XKR5: variants seen among roughly 807,000 people sequenced by gnomAD.
XKR5 encodes XK related 5.
In XKR5, 46 loss-of-function variants were observed where a neutral mutation model predicts 40.8. The observed-to-expected ratio is 1.13, with a 90% CI of 0.89 to 1.44. XKR5 has a LOEUF of 1.44. Ranked by LOEUF, XKR5 falls within the 40% of genes most tolerant of loss-of-function variation. XKR5 has a pLI of 0.00. For missense variants in XKR5, 1,169 were observed against 844.7 expected, an observed-to-expected ratio of 1.38 and a Z score of -4.76; for synonymous variants, 466 against 356.1, an observed-to-expected ratio of 1.31 and a Z score of -3.48.
intron 2 of XKR5, among the ~76,000 whole-genome samples, chr8:6,829,737 G>C (rs1195128016): frequency 1.3e-5 from 2 of 148,388 alleles, no homozygotes; most frequent in African/African-American, 2.5e-5. Flanking sequence ...GGCTGGTTTA[G>C]AACTCCTGGC....
chr8:6,824,068 A>G (rs1214547920), intron 3 of XKR5, among the ~76,000 whole-genome samples: 1 of 152,174 alleles, frequency 6.6e-6, no homozygotes, highest in Admixed American at 6.5e-5. Flanking sequence ...AGTCCTCTGT[A>G]TATAACAAAG....
intron 1 of XKR5, 58 bp downstream of exon 1, chr8:6,835,378 C>A: frequency 7.4e-7 from 1 of 1,357,774 alleles, no homozygotes; most frequent in Non-Finnish European, 9.5e-7. Flanking sequence ...CGGCTCCCGG[C>A]GCCGGGGTGG....
chr8:6,819,076 C>A (rs551162435), intron 5 of XKR5, among the ~76,000 whole-genome samples: 9 of 152,296 alleles, frequency 5.9e-5, no homozygotes, highest in African/African-American at 1.9e-4. Context: ...ACCTTATGTT[C>A]CTTCTTGAAG....
rs367715859 is a variant in XKR5 at position 6,820,742 on chromosome 8, C to A, written c.807+1127G>T. Among the ~76,000 whole-genome samples the A allele has an allele frequency of 3.7e-3, 565 of 152,296 alleles. 4 individuals carry two copies. The highest frequency in any genetic ancestry group is 0.013 in the African/African-American group (547 of 41,562). Reference sequence around the variant, plus strand: ...TGGTGAGGCTCAGTAATGTGTCCAACATTGCAAGTCCTGTGAGCTCTGCCT... The same window carrying A: ...TGGTGAGGCTCAGTAATGTGTCCAAAATTGCAAGTCCTGTGAGCTCTGCCT... On this transcript the variant is annotated intron_variant, in intron 5 of 6. Coordinates refer to ENST00000618742, the MANE Select transcript of XKR5 (RefSeq NM_207411.5).
At chr8:6,823,979 A>T (rs1804354269) in intron 3 of XKR5, among the ~76,000 whole-genome samples, 1 of 152,242 alleles carries the variant, frequency 6.6e-6, no homozygotes, top group Non-Finnish European at 1.5e-5. Context: ...TCAATGTACT[A>T]AATGCTCTTC....
At chr8:6,825,010 G>A (rs1387252853) in intron 3 of XKR5, among the ~76,000 whole-genome samples, 155 bp downstream of exon 3, 1 of 152,202 alleles carries the variant, frequency 6.6e-6, no homozygotes, top group African/African-American at 2.4e-5. Context: ...ACCAGCAAAA[G>A]CCAGTTTTAA....
In XKR5 at chr8:6,808,526, TAA is replaced by T. The variant is rs1242685270; in HGVS notation, c.*2670_*2671del. 3 of 152,168 alleles carry T rather than the reference TAA, an allele frequency of 2.0e-5. No homozygotes were observed. The highest frequency in any genetic ancestry group is 7.2e-5 in the African/African-American group (3 of 41,422). The allele number at this position is 152,168 out of a possible 1,614,324, so 9.4% of individuals were successfully genotyped here. A position where few individuals can be genotyped will look rare whatever the true frequency, so the allele number is the denominator to read the frequency against. On this transcript the variant is annotated 3_prime_UTR_variant, in exon 7 of 7. Transcript: ENST00000618742. ...AGGTGCTCAGCAGGCATTTTTGAAT[TAA>T]GTGTCCATTTATTAGTCTTCTCTAA...
intron 1 of XKR5, among the ~76,000 whole-genome samples, chr8:6,833,967 G>C (rs536384087): frequency 6.6e-6 from 1 of 152,158 alleles, no homozygotes; most frequent in Non-Finnish European, 1.5e-5. Flanking sequence ...TGGTGGTTAC[G>C]CAGTGGAGAG....
intron 5 of XKR5, among the ~76,000 whole-genome samples, chr8:6,817,671 A>C (rs188476489): frequency 7.6e-4 from 115 of 152,308 alleles, no homozygotes; most frequent in African/African-American, 2.5e-3. Flanking sequence ...GGTGGATAGG[A>C]CCCTGGACTT....
chr8:6,828,630 T>C (rs1804626286), intron 2 of XKR5, among the ~76,000 whole-genome samples: 1 of 152,208 alleles, frequency 6.6e-6, no homozygotes, highest in African/African-American at 2.4e-5. Flanking sequence ...GTCCGACATC[T>C]GTCCTCACAG....
intron 6 of XKR5, among the ~76,000 whole-genome samples, chr8:6,814,116 G>A (rs564079301): frequency 6.6e-6 from 1 of 152,338 alleles, no homozygotes; most frequent in Non-Finnish European, 1.5e-5. Context: ...ATGCAATGTG[G>A]TGAGAGTGGT....
chr8:6,830,630 T>C (rs1449911203), intron 2 of XKR5, among the ~76,000 whole-genome samples: 1 of 152,218 alleles, frequency 6.6e-6, no homozygotes, highest in Non-Finnish European at 1.5e-5. Flanking sequence ...TCTTTTCTTT[T>C]CTTTTTTGTT....
chr8:6,816,117 C>T (rs1337635933), intron 5 of XKR5, among the ~76,000 whole-genome samples, 199 bp from the exon 6 acceptor site: 1 of 152,062 alleles, frequency 6.6e-6, no homozygotes, highest in Non-Finnish European at 1.5e-5. Context: ...ACCCTGTTCT[C>T]AGGGTGGCTC....
At chr8:6,814,002 G>A (rs943529730) in intron 6 of XKR5, among the ~76,000 whole-genome samples, 4 of 152,188 alleles carry the variant, frequency 2.6e-5, no homozygotes, top group Admixed American at 2.6e-4. Context: ...ATCCAGATGA[G>A]TTGTTAGACC....
chr8:6,830,490 C>A (rs1804713206), intron 2 of XKR5, among the ~76,000 whole-genome samples: 1 of 152,190 alleles, frequency 6.6e-6, no homozygotes, highest in Admixed American at 6.5e-5. Flanking sequence ...CACTGCAAAT[C>A]TTGCGGCCTT....
In XKR5 at chr8:6,832,862, G is replaced by C; in HGVS notation, c.97C>G (p.Leu33Val). The C allele has an allele frequency of 6.2e-7, 1 of 1,610,120 alleles. No homozygotes were observed. Among genetic ancestry groups the C allele is most frequent in the African/African-American group, 1.3e-5 (1 of 74,836 alleles). The change falls in exon 2 of 7, where the codon CTT becomes GTT. Residue 33 changes from leucine (L) to valine (V), a missense_variant. Coordinates refer to ENST00000618742, the MANE Select transcript of XKR5 (RefSeq NM_207411.5). Reference protein sequence around the residue: ...TVAYYFTTGRLLWGWLALAVL... With the variant: ...TVAYYFTTGRVLWGWLALAVL... ...GCAAGGGCCAGCCACCCCCACAGAA[G>C]CCGTCCTGTGGTGAAGTAGTAAGCC...
intron 4 of XKR5, among the ~76,000 whole-genome samples, chr8:6,823,051 C>T (rs769398968): frequency 6.6e-6 from 1 of 152,200 alleles, no homozygotes; most frequent in Non-Finnish European, 1.5e-5. Context: ...AAGTTCTCTG[C>T]TCCAGATTTA....
rs574337806 is a variant in XKR5 at position 6,829,783 on chromosome 8, C to T, written c.242+2934G>A. Among the ~76,000 whole-genome samples, 393 of 148,506 alleles carry T rather than the reference C, an allele frequency of 2.6e-3. 3 individuals are homozygous for T. Among genetic ancestry groups the T allele is most frequent in the African/African-American group, 9.5e-3 (380 of 40,108 alleles). ...CAGCCTGCCTCCACCTCCTAAAGCA[C>T]TGAGATTACAGGTGTGAGCCGTCAC... On this transcript the variant is annotated intron_variant, in intron 2 of 6. Coordinates refer to ENST00000618742, the MANE Select transcript of XKR5 (RefSeq NM_207411.5).
chr8:6,820,092 G>A (rs59646898), intron 5 of XKR5, among the ~76,000 whole-genome samples: 32,646 of 152,172 alleles, frequency 0.21, 4,191 homozygotes, highest in Non-Finnish European at 0.29. Context: ...GGGGAGCCCC[G>A]GTGACTCTCA....
Sources: gnomAD v4.1 joint callset for allele counts (sites outside exome capture counted in the v4.1 genomes callset) on GRCh38, gnomAD v4.1.1 for gene constraint, MANE v1.5 for transcripts, NCBI Gene and HGNC (gene_info 2026-07-23, HGNC 2026-07-21) for gene names.